Variants in PLCG2 observed in about 807,000 individuals in gnomAD.
The protein encoded by PLCG2 is phospholipase C gamma 2.
PLCG2 carries 69 observed loss-of-function variants against 175.6 expected under a neutral mutation model. The ratio of observed to expected loss-of-function variants is 0.39; its 90% CI spans 0.32 to 0.48. PLCG2 has a LOEUF of 0.48. PLCG2 is among the 20% of genes least tolerant of loss of function. The probability of loss-of-function intolerance (pLI) is 0.91; values close to 1 mark genes in which losing one functional copy is unlikely to be tolerated. For synonymous variants in PLCG2, 827 were observed against 624.0 expected, an observed-to-expected ratio of 1.33 and a Z score of -4.85; for missense variants, 1,798 against 1,650.9, an observed-to-expected ratio of 1.09 and a Z score of -1.54.
At position 81,793,803 on chromosome 16, in the gene PLCG2, C is replaced by G. The variant is rs114277798; in HGVS notation, c.193+7621C>G. Among the ~76,000 whole-genome samples the G allele has an allele frequency of 6.8e-3, 1,030 of 152,272 alleles. 10 individuals are homozygous for G. The highest frequency in any genetic ancestry group is 0.024 in the African/African-American group (994 of 41,544). ...TGGTCCAGTGAAGGGGGAGCTATCC[C>G]TGCTTTATTCATAAAGAGATTGAGT... On this transcript the variant is annotated intron_variant, in intron 2 of 32. Coordinates refer to ENST00000564138, the MANE Select transcript of PLCG2 (RefSeq NM_002661.5).
At chr16:81,824,901 T>C (rs1303934999) in intron 2 of PLCG2, among the ~76,000 whole-genome samples, 4 of 152,178 alleles carry the variant, frequency 2.6e-5, no homozygotes, top group Non-Finnish European at 5.9e-5. Context: ...ATGACCCAGG[T>C]AGGCCCAATG....
intron 12 of PLCG2, 129 bp from the exon 13 acceptor site, chr16:81,895,678 G>T: frequency 1.0e-6 from 1 of 990,988 alleles, no homozygotes; most frequent in South Asian, 1.5e-5. Flanking sequence ...ATGTCCTCGT[G>T]TTGGCAGCCG....
Position 81,869,207 on chromosome 16 carries a change from T to G in PLCG2, c.480-7T>G. On this transcript the variant is annotated splice_region_variant and splice_polypyrimidine_tract_variant and intron_variant, in intron 5 of 32. Coordinates refer to ENST00000564138, the MANE Select transcript of PLCG2 (RefSeq NM_002661.5). ...AGGTGACAGAACTGGGTCTCCCTCT[T>G]TTGCAGCATCAGTCTCCGAGAGTTG... 1 of 1,612,562 alleles carries G rather than the reference T, an allele frequency of 6.2e-7. No homozygotes were observed. The highest frequency in any genetic ancestry group is 8.5e-7 in the Non-Finnish European group (1 of 1,178,546).
intron 1 of PLCG2, among the ~76,000 whole-genome samples, chr16:81,785,261 C>A (rs944288818): frequency 2.6e-5 from 4 of 152,160 alleles, no homozygotes; most frequent in African/African-American, 9.7e-5. Flanking sequence ...ACCCCAGGTG[C>A]TTTGCTGGGG....
chr16:81,791,047 T>A (rs1333590812), intron 2 of PLCG2, among the ~76,000 whole-genome samples: 1 of 152,194 alleles, frequency 6.6e-6, no homozygotes, highest in Non-Finnish European at 1.5e-5. Context: ...GAACCCTGTT[T>A]GGATGGAATT....
intron 31 of PLCG2, among the ~76,000 whole-genome samples, chr16:81,949,391 G>A (rs188477191): frequency 1.2e-4 from 19 of 152,288 alleles, no homozygotes; most frequent in African/African-American, 4.6e-4. Context: ...CAGCACACTA[G>A]TTGTGTATAA....
chr16:81,927,870 G>T lies in PLCG2; in HGVS notation c.2515-688G>T, dbSNP rs192847599. 1.6e-4 allele frequency among the ~76,000 whole-genome samples: 24 copies of T among 152,318 alleles called. No homozygotes were observed. The East Asian group carries it at 4.4e-3, about 28-fold the overall frequency. ...CAGTCTAAGCAAAGGTGTGGCAGTG[G>T]GAATGTGGTTGTGTTCCGTGTGCTT... On this transcript the variant is annotated intron_variant, in intron 23 of 32. Transcript: ENST00000564138.
chr16:81,801,167 G>C (rs554112913), intron 2 of PLCG2, among the ~76,000 whole-genome samples: 1 of 152,300 alleles, frequency 6.6e-6, no homozygotes, highest in South Asian at 2.1e-4. Context: ...CGTAGCGATT[G>C]AGAATAAATA....
chr16:81,854,952 G>A (rs957424577), intron 3 of PLCG2, among the ~76,000 whole-genome samples: 20 of 152,124 alleles, frequency 1.3e-4, no homozygotes. Context: ...GCTCATCCCT[G>A]TAATCCCAGC....
intron 2 of PLCG2, among the ~76,000 whole-genome samples, chr16:81,823,960 T>TTTCC (rs540496996): frequency 2.0e-5 from 3 of 149,738 alleles, no homozygotes; most frequent in African/African-American, 2.5e-5. Flanking sequence ...TCCCTTTCCC[T>TTTCC]TTCCTTCCTT....
chr16:81,875,636 G>A (rs1047212210), intron 7 of PLCG2, among the ~76,000 whole-genome samples: 4 of 152,128 alleles, frequency 2.6e-5, no homozygotes, highest in Non-Finnish European at 4.4e-5. Flanking sequence ...AGCGTATCAG[G>A]TCATCTGCCA....
intron 2 of PLCG2, among the ~76,000 whole-genome samples, chr16:81,811,776 G>C (rs550165234): frequency 6.6e-6 from 1 of 152,102 alleles, no homozygotes; most frequent in Non-Finnish European, 1.5e-5. Flanking sequence ...TCATCGATGG[G>C]CATTTGGATT....
chr16:81,799,649 A>G (rs924569053), intron 2 of PLCG2, among the ~76,000 whole-genome samples: 4 of 147,304 alleles, frequency 2.7e-5, no homozygotes, highest in African/African-American at 7.5e-5. Flanking sequence ...CCCAGGTGCA[A>G]TGGCACCATC....
intron 21 of PLCG2, 98 bp downstream of exon 21, chr16:81,921,367 A>T (rs772006675): frequency 2.4e-6 from 2 of 842,016 alleles, no homozygotes; most frequent in South Asian, 1.4e-5. Context: ...GCAAGGGAAG[A>T]CTTTGGAAAA....
At chr16:81,832,895 C>T (rs1333935328) in intron 2 of PLCG2, among the ~76,000 whole-genome samples, 1 of 152,162 alleles carries the variant, frequency 6.6e-6, no homozygotes, top group African/African-American at 2.4e-5. Context: ...AAGGTGTCAG[C>T]GTGTGAGGCC....
At chr16:81,888,514 C>T (rs189501865) in intron 9 of PLCG2, among the ~76,000 whole-genome samples, 8 of 152,318 alleles carry the variant, frequency 5.3e-5, no homozygotes, top group South Asian at 4.1e-4. Context: ...TTTCTGTGCA[C>T]CAGGTGCTGC....
chr16:81,900,442 T>G (rs6564933), intron 13 of PLCG2, among the ~76,000 whole-genome samples, 170 bp from the exon 14 acceptor site: 2 of 152,106 alleles, frequency 1.3e-5, no homozygotes, highest in Middle Eastern at 3.2e-3. Flanking sequence ...GACTTGTGCC[T>G]TCACACCCAG....
upstream of PLCG2, among the ~76,000 whole-genome samples, chr16:81,778,021 A>AC (rs1447547726): frequency 1.7e-3 from 116 of 67,146 alleles, 4 homozygotes; most frequent in East Asian, 0.014. Flanking sequence ...TGTCTCAAAA[A>AC]AAAAAAAAAA....
chr16:81,863,876 G>A (rs1483938341), intron 5 of PLCG2, among the ~76,000 whole-genome samples: 1 of 152,206 alleles, frequency 6.6e-6, no homozygotes, highest in African/African-American at 2.4e-5. Context: ...GTTGCAGGTG[G>A]AAGGCAGGTG....
Sources: gnomAD v4.1 joint callset for allele counts (sites outside exome capture counted in the v4.1 genomes callset) on GRCh38, gnomAD v4.1.1 for gene constraint, MANE v1.5 for transcripts, NCBI Gene and HGNC (gene_info 2026-07-23, HGNC 2026-07-21) for gene names.